WWOX: variants seen among roughly 807,000 people sequenced by gnomAD.
The protein encoded by WWOX is WW domain-containing oxidoreductase.
WWOX carries 69 observed loss-of-function variants against 46.2 expected under a neutral mutation model. That is an observed-to-expected ratio of 1.49 (90% confidence interval 1.23 to 1.82). The LOEUF is 1.82. WWOX is among the 40% of genes most tolerant of loss of function. The pLI is 0.00. For missense variants in WWOX, 919 were observed against 542.6 expected, an observed-to-expected ratio of 1.69 and a Z score of -6.89; for synonymous variants, 359 against 202.6, an observed-to-expected ratio of 1.77 and a Z score of -6.56.
intron 5 of WWOX, among the ~76,000 whole-genome samples, chr16:78,165,894 C>T (rs902733249): frequency 6.6e-6 from 1 of 152,142 alleles, no homozygotes; most frequent in Non-Finnish European, 1.5e-5. Context: ...AAAACAGAGT[C>T]TTACTTTTTC....
intron 1 of WWOX, among the ~76,000 whole-genome samples, chr16:78,105,004 C>G (rs72802904): frequency 0.22 from 34,188 of 152,156 alleles, 4,674 homozygotes; most frequent in Non-Finnish European, 0.3. Flanking sequence ...GACCAAATTA[C>G]TCTCTCTGCT....
At chr16:78,519,086 A>T (rs1394871493) in intron 8 of WWOX, among the ~76,000 whole-genome samples, 1 of 152,204 alleles carries the variant, frequency 6.6e-6, no homozygotes, top group Non-Finnish European at 1.5e-5. Context: ...ATGGATGTAT[A>T]GTCTTTGAAG....
At chr16:78,743,245 C>A (rs111417151) in intron 8 of WWOX, among the ~76,000 whole-genome samples, 2 of 152,132 alleles carry the variant, frequency 1.3e-5, no homozygotes, top group Non-Finnish European at 2.9e-5. Context: ...TCTCTGAGTG[C>A]AAGGTGACAG....
At chr16:78,406,106 G>A (rs577973102) in intron 6 of WWOX, among the ~76,000 whole-genome samples, 2 of 151,586 alleles carry the variant, frequency 1.3e-5, no homozygotes, top group South Asian at 2.1e-4. Flanking sequence ...GATGCCCTTC[G>A]TATTGTGTAT....
chr16:78,794,005 G>T (rs1040920650), intron 8 of WWOX, among the ~76,000 whole-genome samples: 4 of 152,156 alleles, frequency 2.6e-5, no homozygotes, highest in African/African-American at 7.2e-5. Context: ...AGTAACACAG[G>T]CTTTGGGTTA....
chr16:78,807,155 C>T (rs140210480), intron 8 of WWOX, among the ~76,000 whole-genome samples: 2 of 152,282 alleles, frequency 1.3e-5, no homozygotes, highest in East Asian at 3.9e-4. Context: ...ACATTATGGC[C>T]ATTATTTAGG....
At chr16:78,845,590 G>A (rs1320849851) in intron 8 of WWOX, among the ~76,000 whole-genome samples, 2 of 152,144 alleles carry the variant, frequency 1.3e-5, no homozygotes, top group Admixed American at 1.3e-4. Context: ...TACTAAGTGT[G>A]GCTTTGCTGC....
chr16:79,008,553 C>A (rs1270636216), intron 8 of WWOX, among the ~76,000 whole-genome samples: 2 of 151,596 alleles, frequency 1.3e-5, no homozygotes, highest in African/African-American at 4.9e-5. Context: ...TCCTGACTAC[C>A]ATAGTCTGTG....
intron 5 of WWOX, among the ~76,000 whole-genome samples, chr16:78,207,297 A>G (rs956653781): frequency 2.6e-5 from 4 of 152,194 alleles, no homozygotes; most frequent in East Asian, 3.8e-4. Flanking sequence ...TTTGATGACT[A>G]TTCTTCTACA....
intron 5 of WWOX, among the ~76,000 whole-genome samples, chr16:78,348,559 G>A (rs1417177705): frequency 8.3e-6 from 1 of 120,636 alleles, no homozygotes; most frequent in African/African-American, 2.8e-5. Flanking sequence ...TTGAGCTCAG[G>A]CAATCCTCCT....
chr16:79,141,561 T>C (rs2050089223), intron 8 of WWOX, among the ~76,000 whole-genome samples: 1 of 152,236 alleles, frequency 6.6e-6, no homozygotes, highest in Admixed American at 6.5e-5. Flanking sequence ...TACCAGCTCT[T>C]TGGCTTTGTA....
Position 78,805,167 on chromosome 16 carries a change from A to G in WWOX, c.1056+372415A>G, listed in dbSNP as rs56128607. 2.2e-3 allele frequency among the ~76,000 whole-genome samples: 338 copies of G among 152,370 alleles called. 1 individual carries two copies. The highest frequency in any genetic ancestry group is 6.9e-3 in the African/African-American group (286 of 41,586). On this transcript the variant is annotated intron_variant, in intron 8 of 8. Transcript: ENST00000566780. ...TGTGAAATGTTTAAGGAGGCAAAGAATATTTAACCAAGAAAGGAAAAGTGT... is the reference window on the plus strand; with the variant it reads ...TGTGAAATGTTTAAGGAGGCAAAGAGTATTTAACCAAGAAAGGAAAAGTGT...
rs1261198297 is a variant in WWOX, at chr16:78,345,409, C to T, written c.517-41451C>T. ...GCCAAGGTGGGCAGATTACTTGAGC[C>T]CAGGTGTTGGAGACCAGCCTGAGCA... On this transcript the variant is annotated intron_variant, in intron 5 of 8. Coordinates refer to ENST00000566780, the MANE Select transcript of WWOX (RefSeq NM_016373.4). Among the ~76,000 whole-genome samples the T allele has an allele frequency of 2.3e-5, 2 of 88,470 alleles. 1 individual carries two copies. The highest frequency in any genetic ancestry group is 4.9e-5 in the Non-Finnish European group (2 of 40,582). 58.0% of individuals were successfully genotyped at this position (88,470 alleles called of 152,430 possible). A position where few individuals can be genotyped will look rare whatever the true frequency, so the allele number is the denominator to read the frequency against.
At chr16:78,468,621 A>G (rs2084143246) in intron 8 of WWOX, among the ~76,000 whole-genome samples, 1 of 152,110 alleles carries the variant, frequency 6.6e-6, no homozygotes, top group African/African-American at 2.4e-5. Context: ...TGGAATAAAG[A>G]CTTAGTACAC....
chr16:78,931,078 G>C (rs1597166743), intron 8 of WWOX, among the ~76,000 whole-genome samples: 1 of 152,290 alleles, frequency 6.6e-6, no homozygotes, highest in South Asian at 2.1e-4. Flanking sequence ...TTAGTGATGA[G>C]CATATGGTAA....
At chr16:79,060,331 G>A (rs2048336520) in intron 8 of WWOX, among the ~76,000 whole-genome samples, 1 of 152,214 alleles carries the variant, frequency 6.6e-6, no homozygotes, top group Non-Finnish European at 1.5e-5. Flanking sequence ...GCATTTTATA[G>A]CCCATGTCCC....
intron 5 of WWOX, among the ~76,000 whole-genome samples, chr16:78,202,630 A>C (rs34488661): frequency 2.9e-3 from 444 of 152,326 alleles, no homozygotes; most frequent in Middle Eastern, 0.01. Flanking sequence ...TTTCATTGGG[A>C]AAGAAATTTC....
chr16:78,540,636 G>A (rs994241011), intron 8 of WWOX, among the ~76,000 whole-genome samples: 1 of 151,874 alleles, frequency 6.6e-6, no homozygotes, highest in Non-Finnish European at 1.5e-5. Flanking sequence ...TCCTACCTGA[G>A]CTCTGAGTTT....
intron 6 of WWOX, among the ~76,000 whole-genome samples, chr16:78,395,017 T>C (rs2082254143): frequency 6.6e-6 from 1 of 152,268 alleles, no homozygotes; most frequent in African/African-American, 2.4e-5. Context: ...ATAGCCATAA[T>C]GCATGAAATT....
Sources: gnomAD v4.1 joint callset for allele counts (sites outside exome capture counted in the v4.1 genomes callset) on GRCh38, gnomAD v4.1.1 for gene constraint, MANE v1.5 for transcripts, NCBI Gene and HGNC (gene_info 2026-07-23, HGNC 2026-07-21) for gene names.